The following PSMA8 variants were observed in gnomAD, a reference collection of about 807,000 sequenced individuals.
The protein encoded by PSMA8 is proteasome 20S subunit alpha 8.
In PSMA8, 18 loss-of-function variants were observed where a neutral mutation model predicts 32.4. The observed-to-expected ratio is 0.56, with a 90% CI of 0.38 to 0.82. The LOEUF (loss-of-function observed/expected upper bound fraction) is 0.82, where lower values mean the gene tolerates loss of function less well. PSMA8 is among the 40% of genes least tolerant of loss of function. PSMA8 has a pLI of 0.00. For synonymous variants in PSMA8, 104 were observed against 98.1 expected (o/e 1.06, Z -0.36); for missense variants, 298 against 300.7 (o/e 0.99, Z 0.07).
chr18:26,173,556 C>T (rs2055240988), intron 4 of PSMA8, among the ~76,000 whole-genome samples: 1 of 149,888 alleles, frequency 6.7e-6, no homozygotes, highest in Non-Finnish European at 1.5e-5. Context: ...GGATTTTTGT[C>T]TACTTTTTTT....
Position 26,192,845 on chromosome 18 carries a change from G to A in PSMA8, c.*434G>A, listed in dbSNP as rs1598680116. 6.6e-6 allele frequency: 1 copy of A among 152,114 alleles called. No individual in the cohort carries two copies. The highest frequency in any genetic ancestry group is 1.5e-5 in the Non-Finnish European group (1 of 68,056). 9.4% of individuals were successfully genotyped at this position (152,114 alleles called of 1,614,324 possible). A position where few individuals can be genotyped will look rare whatever the true frequency, so the allele number is the denominator to read the frequency against. Reference sequence around the variant, plus strand: ...CTGCATTTCTCAAAGAATGACAAAAGCATCCTTATACTGATGAGTTCTTAA... The same window carrying A: ...CTGCATTTCTCAAAGAATGACAAAAACATCCTTATACTGATGAGTTCTTAA... On this transcript the variant is annotated 3_prime_UTR_variant, in exon 7 of 7. Transcript: ENST00000415576.
At chr18:26,175,084 T>C (rs4800722) in intron 4 of PSMA8, among the ~76,000 whole-genome samples, 8,863 of 152,294 alleles carry the variant, frequency 0.058, 418 homozygotes, top group East Asian at 0.15. Flanking sequence ...CCTTCTGTTG[T>C]TTATACTTCA....
chr18:26,179,295 TG>T (rs2055290354), intron 6 of PSMA8, among the ~76,000 whole-genome samples, 165 bp downstream of exon 6: 2 of 132,760 alleles, frequency 1.5e-5, no homozygotes, highest in East Asian at 4.4e-4. Context: ...TTGTTTTTTG[TG>T]TTTTTTTTTT....
intron 4 of PSMA8, among the ~76,000 whole-genome samples, chr18:26,168,093 A>G (rs1449043620): frequency 1.8e-5 from 2 of 108,138 alleles, no homozygotes; most frequent in Non-Finnish European, 3.2e-5. Context: ...AAGTGAATGC[A>G]TATATTAATA....
intron 2 of PSMA8, among the ~76,000 whole-genome samples, chr18:26,146,334 G>C (rs935226699): frequency 4.0e-5 from 6 of 151,824 alleles, no homozygotes; most frequent in Non-Finnish European, 7.4e-5. Context: ...TTTGAGTTCA[G>C]CTTGGGCAAC....
chr18:26,169,295 C>A (rs2055203505), intron 4 of PSMA8, among the ~76,000 whole-genome samples: 1 of 134,052 alleles, frequency 7.5e-6, no homozygotes, highest in Non-Finnish European at 1.5e-5. Flanking sequence ...CTCTCTACTT[C>A]ATTCATTTCT....
At chr18:26,165,621 A>T (rs1797050489) in intron 4 of PSMA8, among the ~76,000 whole-genome samples, 1 of 152,214 alleles carries the variant, frequency 6.6e-6, no homozygotes, top group African/African-American at 2.4e-5. Context: ...CAACAACAGT[A>T]TTAAGCTCTT....
intron 3 of PSMA8, among the ~76,000 whole-genome samples, chr18:26,156,097 A>T (rs2055086625): frequency 6.6e-6 from 1 of 152,214 alleles, no homozygotes. Flanking sequence ...AATCAAAACC[A>T]CAGTGATGTC....
chr18:26,144,244 G>A (rs11876571), intron 1 of PSMA8, among the ~76,000 whole-genome samples: 16,688 of 152,106 alleles, frequency 0.11, 1,505 homozygotes, highest in African/African-American at 0.26. Flanking sequence ...TCAAGAACCT[G>A]TCAATGACAT....
At chr18:26,135,190 A>G (rs2054902100) in intron 1 of PSMA8, among the ~76,000 whole-genome samples, 1 of 152,230 alleles carries the variant, frequency 6.6e-6, no homozygotes, top group South Asian at 2.1e-4. Context: ...TTAGTGATTT[A>G]TAAAAATTAA....
intron 6 of PSMA8, among the ~76,000 whole-genome samples, chr18:26,185,087 CAAAAAA>C (rs772421124): frequency 1.8e-5 from 1 of 55,468 alleles, no homozygotes; most frequent in Non-Finnish European, 3.8e-5. Context: ...AACTCCATCT[CAAAAAA>C]AAAAAAAAAA....
chr18:26,153,143 A>G (rs551938159), intron 3 of PSMA8, among the ~76,000 whole-genome samples: 2 of 152,296 alleles, frequency 1.3e-5, no homozygotes, highest in South Asian at 2.1e-4. Context: ...AATTTTAAGT[A>G]TATTTTATAT....
At chr18:26,183,539 TA>T (rs1200715439) in intron 6 of PSMA8, among the ~76,000 whole-genome samples, 1 of 150,818 alleles carries the variant, frequency 6.6e-6, no homozygotes, top group Non-Finnish European at 1.5e-5. Flanking sequence ...GCAAGAGAAC[TA>T]AAATTAGAAG....
chr18:26,171,196 C>T, intron 4 of PSMA8: 1 of 1,559,502 alleles, frequency 6.4e-7, no homozygotes, highest in Non-Finnish European at 8.5e-7. Flanking sequence ...TATCTGAATT[C>T]ATTCCTGAGC....
intron 6 of PSMA8, among the ~76,000 whole-genome samples, chr18:26,189,286 G>T (rs1264109608): frequency 1.3e-5 from 2 of 152,154 alleles, no homozygotes; most frequent in East Asian, 3.8e-4. Flanking sequence ...CCAGCACTTT[G>T]GGAGGCCAAG....
rs1427652211 is a variant in PSMA8 at position 26,193,286 on chromosome 18, T to C, written c.*875T>C. On this transcript the variant is annotated 3_prime_UTR_variant, in exon 7 of 7. Transcript: ENST00000415576. The stretch of plus-strand genomic sequence containing the variant: ...CACGGAAAGGATTTAATCCAAATGG[T>C]CCACAAGAGGAATGTGCTTAATTCC... 6.6e-6 allele frequency: 1 copy of C among 152,222 alleles called. No individual in the cohort carries two copies. Among genetic ancestry groups the C allele is most frequent in the East Asian group, 1.9e-4 (1 of 5,198 alleles). 9.4% of individuals were successfully genotyped at this position (152,222 alleles called of 1,614,324 possible).
At chr18:26,192,230 A>C (rs2144369260) in intron 6 of PSMA8, 89 bp from the exon 7 acceptor site, 1 of 1,088,922 alleles carries the variant, frequency 9.2e-7, no homozygotes, top group African/African-American at 1.7e-5. Flanking sequence ...AGAAAGTATA[A>C]ATTTATTAAA....
intron 2 of PSMA8, among the ~76,000 whole-genome samples, chr18:26,145,409 C>T (rs1275417482): frequency 1.3e-5 from 2 of 152,082 alleles, no homozygotes; most frequent in African/African-American, 2.4e-5. Context: ...TGAGCCACCG[C>T]GCCCGGCCTC....
intron 1 of PSMA8, among the ~76,000 whole-genome samples, chr18:26,138,942 G>A (rs918264365): frequency 1.3e-5 from 2 of 152,114 alleles, no homozygotes; most frequent in Non-Finnish European, 2.9e-5. Context: ...CTAAGTTTTG[G>A]GGGAAGATAA....
Sources: gnomAD v4.1 joint callset for allele counts (sites outside exome capture counted in the v4.1 genomes callset) on GRCh38, gnomAD v4.1.1 for gene constraint, MANE v1.5 for transcripts, NCBI Gene and HGNC (gene_info 2026-07-23, HGNC 2026-07-21) for gene names.